The following KMT2E variants were observed in gnomAD, a reference collection of about 807,000 sequenced individuals.
KMT2E encodes lysine methyltransferase 2E (inactive).
A neutral mutation model predicts 184.6 loss-of-function variants in KMT2E; 30 were observed. That is an observed-to-expected ratio of 0.16 (90% CI 0.12 to 0.22). KMT2E has a LOEUF of 0.22. Among genes scored for constraint, KMT2E ranks in the 10% least tolerant of loss-of-function variants. The pLI is 1.00. For synonymous variants in KMT2E, 815 were observed against 776.5 expected, an observed-to-expected ratio of 1.05 and a Z score of -0.82; for missense variants, 2,023 against 2,237.4, an observed-to-expected ratio of 0.90 and a Z score of 1.93.
chr7:105,026,659 C>T (rs1795189427), intron 1 of KMT2E, among the ~76,000 whole-genome samples: 1 of 152,194 alleles, frequency 6.6e-6, no homozygotes, highest in African/African-American at 2.4e-5. Context: ...ATACAGTAAT[C>T]TGTCAACCAT....
intron 20 of KMT2E, 118 bp from the exon 21 acceptor site, chr7:105,107,041 TAAACAGG>T (rs1314268521): frequency 3.0e-6 from 2 of 661,498 alleles, no homozygotes; most frequent in Non-Finnish European, 5.0e-6. Flanking sequence ...GGAATGGAAA[TAAACAGG>T]AAACAAGATC....
Position 105,101,487 on chromosome 7 carries a change from G to A in KMT2E, c.1785G>A (p.Glu595=). Residue 595 remains glutamate (E), a synonymous_variant, in exon 16 of 27, where the codon GAG becomes GAA. Coordinates refer to ENST00000311117, the MANE Select transcript of KMT2E (RefSeq NM_182931.3). ...LQAFARLEKR[E]KRREQALERI... ...CTTTTGCCAGACTTGAAAAGAGAGAGAAAAGAAGAGAACAAGCTTTGGAAA... is the reference window on the plus strand; with the variant it reads ...CTTTTGCCAGACTTGAAAAGAGAGAAAAAAGAAGAGAACAAGCTTTGGAAA... 1 of 1,583,742 alleles carries A rather than the reference G, an allele frequency of 6.3e-7. No individual in the cohort carries two copies. Among genetic ancestry groups the A allele is most frequent in the Non-Finnish European group, 8.6e-7 (1 of 1,167,804 alleles).
At chr7:105,044,883 A>G (rs1179297420) in intron 3 of KMT2E, among the ~76,000 whole-genome samples, 2 of 152,154 alleles carry the variant, frequency 1.3e-5, no homozygotes, top group East Asian at 1.9e-4. Context: ...GCCAGATGCA[A>G]ACCAGCCTTA....
chr7:105,027,229 C>T (rs867790973), intron 1 of KMT2E, among the ~76,000 whole-genome samples: 10 of 151,476 alleles, frequency 6.6e-5, no homozygotes, highest in Middle Eastern at 3.2e-3. Flanking sequence ...CTACAGGTGC[C>T]ATGTCACCAT....
chr7:105,112,862 T>C lies in KMT2E; in HGVS notation c.5106T>C (p.Gly1702=). Residue 1702 remains glycine, a synonymous_variant, in exon 27 of 27, where the codon GGT becomes GGC. Coordinates refer to ENST00000311117, the MANE Select transcript of KMT2E (RefSeq NM_182931.3). ...PPPHPSTGLQ[G]LQAQHQHVVN... is the part of the protein sequence containing the mutation. ...CCCATCCATCCACAGGACTCCAAGGTCTACAAGCACAACACCAGCATGTTG... is the reference window on the plus strand; with the variant it reads ...CCCATCCATCCACAGGACTCCAAGGCCTACAAGCACAACACCAGCATGTTG... The C allele has an allele frequency of 2.0e-6, 3 of 1,467,988 alleles. No homozygotes were observed. The highest frequency in any genetic ancestry group is 2.7e-6 in the Non-Finnish European group (3 of 1,093,986). 90.9% of individuals were successfully genotyped at this position (1,467,988 alleles called of 1,614,324 possible).
rs1294582819 is a variant in KMT2E at position 105,105,537 on chromosome 7, A to G, written c.2295A>G (p.Glu765=). Residue 765 remains glutamate (E), a synonymous_variant, in exon 18 of 27, where the codon GAA becomes GAG. Coordinates refer to ENST00000311117, the MANE Select transcript of KMT2E (RefSeq NM_182931.3). ...CTCTACGCATAACTACAGATCCTGA[A>G]GTGTTAGCTACACAACTCAATTCTT... ...ERPLRITTDP[E]VLATQLNSLP... 1 of 1,614,124 alleles carries G rather than the reference A, an allele frequency of 6.2e-7. No homozygotes were observed. Among genetic ancestry groups the G allele is most frequent in the East Asian group, 2.2e-5 (1 of 44,868 alleles).
chr7:105,113,087 C>T lies in KMT2E; in HGVS notation c.5331C>T (p.His1777=), dbSNP rs774712915. ...HHTTLGPGPQ[H]QPSGTGPHCP... ...CCACTTTGGGACCGGGACCCCAGCACCAGCCTTCTGGAACAGGGCCACATT... is the reference window on the plus strand; with the variant it reads ...CCACTTTGGGACCGGGACCCCAGCATCAGCCTTCTGGAACAGGGCCACATT... Residue 1777 remains histidine (H), a synonymous_variant, in exon 27 of 27, where the codon CAC becomes CAT. Coordinates refer to ENST00000311117, the MANE Select transcript of KMT2E (RefSeq NM_182931.3). 5 of 1,614,176 alleles carry T rather than the reference C, an allele frequency of 3.1e-6. No homozygotes were observed. Among genetic ancestry groups the T allele is most frequent in the Admixed American group, 1.7e-5 (1 of 60,028 alleles).
rs1442375876 is a variant in KMT2E at position 105,110,477 on chromosome 7, G to T, written c.3845G>T (p.Gly1282Val). The T allele has an allele frequency of 6.2e-7, 1 of 1,613,920 alleles. No homozygotes were observed. The highest frequency in any genetic ancestry group is 1.7e-5 in the Admixed American group (1 of 59,998). The change falls in exon 25 of 27, where the codon GGG (glycine) becomes GTG (valine). Residue 1282 changes from glycine (G) to valine (V), a missense_variant and splice_region_variant. Gly to Val is a moderately radical substitution (Grantham distance 109). Transcript: ENST00000311117. Reference protein sequence around the residue: ...LSDHRKDKDSGGESPCVSCSP... With the variant: ...LSDHRKDKDSVGESPCVSCSP... ...TGGGTCTGCTCTGCTTCATCTCTAG[G>T]GGGAGAATCACCATGTGTCTCATGT...
At chr7:105,058,662 T>G (rs1402045473) in intron 3 of KMT2E, among the ~76,000 whole-genome samples, 2 of 152,214 alleles carry the variant, frequency 1.3e-5, no homozygotes, top group African/African-American at 4.8e-5. Context: ...TTCAGAGTTT[T>G]GAAAAGGTGA....
At chr7:105,091,983 G>T (rs1024279837) in intron 15 of KMT2E, among the ~76,000 whole-genome samples, 1 of 152,188 alleles carries the variant, frequency 6.6e-6, no homozygotes, top group African/African-American at 2.4e-5. Context: ...ATTTGAAAAT[G>T]ACTTTACAAA....
chr7:105,063,875 C>G (rs930584830), intron 5 of KMT2E: 2 of 463,080 alleles, frequency 4.3e-6, no homozygotes, highest in African/African-American at 4.0e-5. Context: ...TAGCAGTAGA[C>G]AAGATAGAAA....
At chr7:105,074,120 T>C (rs1295515704) in intron 7 of KMT2E, among the ~76,000 whole-genome samples, 2 of 152,048 alleles carry the variant, frequency 1.3e-5, no homozygotes, top group Non-Finnish European at 2.9e-5. Flanking sequence ...CCAGTACTCC[T>C]GGTTTTAAAT....
intron 2 of KMT2E, 147 bp downstream of exon 2, chr7:105,038,346 A>G (rs1795747418): frequency 2.7e-5 from 4 of 150,912 alleles, no homozygotes; most frequent in Admixed American, 2.6e-4. Context: ...TGTGTTAAAA[A>G]CCTTTTCCCT....
rs772584429 is a variant in KMT2E at position 105,112,390 on chromosome 7, C to T, written c.4634C>T (p.Pro1545Leu). The change falls in exon 27 of 27, where the codon CCC (proline) becomes CTC (leucine). Residue 1545 changes from proline (P) to leucine (L), a missense_variant. Around this residue, in one of 8 missense-constraint regions of KMT2E, gnomAD observed 1,108 missense variants for 1,050.9 expected, o/e 1.05. Transcript: ENST00000311117. ...CAAAGTCTGAACAGCACGGCACCAC[C>T]CCCTCCACCTCCTCCACCTCCTTCT... Reference protein sequence around the residue: ...NQQSLNSTAPPPPPPPPPSSS... With the variant: ...NQQSLNSTAPLPPPPPPPSSS... 12 of 1,613,022 alleles carry T rather than the reference C, an allele frequency of 7.4e-6. No homozygotes were observed. The highest frequency in any genetic ancestry group is 1.1e-5 in the South Asian group (1 of 91,080).
intron 1 of KMT2E, among the ~76,000 whole-genome samples, chr7:105,035,474 C>T (rs1343969322): frequency 6.6e-6 from 1 of 150,506 alleles, no homozygotes; most frequent in South Asian, 2.1e-4. Context: ...CAGCCAAGAT[C>T]GGCTTTTTTT....
intron 15 of KMT2E, 182 bp downstream of exon 15, chr7:105,091,496 G>T: frequency 1.6e-6 from 1 of 616,734 alleles, no homozygotes; most frequent in Non-Finnish European, 2.9e-6. Flanking sequence ...TATTTTTATT[G>T]GTTGTTCATT....
At position 105,091,201 on chromosome 7, in the gene KMT2E, A is replaced by C. The variant is rs1381621582; in HGVS notation, c.1624-15A>C. The C allele has an allele frequency of 8.3e-7, 1 of 1,209,408 alleles. No individual in the cohort carries two copies. Among genetic ancestry groups the C allele is most frequent in the South Asian group, 1.2e-5 (1 of 81,146 alleles). 74.9% of individuals were successfully genotyped at this position (1,209,408 alleles called of 1,614,324 possible). ...GAATAATAGTTTGTATAAAGAAGTC[A>C]TTTCCATTTTTCAGGAACCAGATTT... is the stretch of plus-strand genomic sequence containing the variant. On this transcript the variant is annotated splice_polypyrimidine_tract_variant and intron_variant, in intron 14 of 26. Transcript: ENST00000311117.
chr7:105,092,897 T>G (rs1798263985), intron 15 of KMT2E, among the ~76,000 whole-genome samples: 1 of 151,074 alleles, frequency 6.6e-6, no homozygotes, highest in Non-Finnish European at 1.5e-5. Context: ...AAAAATGAAA[T>G]AAAAAAAAAT....
chr7:105,058,288 A>T (rs1796653601), intron 3 of KMT2E, among the ~76,000 whole-genome samples: 1 of 152,152 alleles, frequency 6.6e-6, no homozygotes, highest in Non-Finnish European at 1.5e-5. Flanking sequence ...TTCTTATCAC[A>T]TAGCATTAGG....
Sources: gnomAD v4.1 joint callset for allele counts (sites outside exome capture counted in the v4.1 genomes callset) on GRCh38, gnomAD v4.1.1 for gene constraint, gnomAD v4.1.1 regional missense constraint, MANE v1.5 for transcripts, NCBI Gene and HGNC (gene_info 2026-07-23, HGNC 2026-07-21) for gene names.